RFX7: variants seen among roughly 807,000 people sequenced by gnomAD.
The protein encoded by RFX7 is DNA-binding protein RFX7.
RFX7 carries 26 observed loss-of-function variants against 111.8 expected under a neutral mutation model. The observed-to-expected ratio is 0.23, with a 90% confidence interval of 0.17 to 0.32. The LOEUF is 0.32. Among genes scored for constraint, RFX7 ranks in the 10% least tolerant of loss-of-function variants. RFX7 has a pLI of 1.00. For missense variants in RFX7, 1,573 were observed against 1,772.9 expected, an observed-to-expected ratio of 0.89 and a Z score of 2.02; for synonymous variants, 624 against 624.4, an observed-to-expected ratio of 1.00 and a Z score of 0.01.
rs781425168 is a variant in RFX7, at chr15:56,098,223, G to T, written c.965C>A (p.Ser322Tyr). ...TGCTGCAGATTCTCCTGGCAAAGGG[G>T]ATTGTAGTTTCTGTTCTTGCTGCTT... The part of the protein sequence containing the change: ...QKKQQEQKLQ[S>Y]PLPGESAAKK... Residue 322 changes from serine to tyrosine, a missense_variant, in exon 9 of 10, where the codon TCC (serine) becomes TAC (tyrosine). Coordinates refer to ENST00000559447, the MANE Select transcript of RFX7 (RefSeq NM_022841.7). 5 of 1,613,972 alleles carry T rather than the reference G, an allele frequency of 3.1e-6. No individual in the cohort carries two copies. Among genetic ancestry groups the T allele is most frequent in the Non-Finnish European group, 4.2e-6 (5 of 1,179,860 alleles).
chr15:56,133,166 C>A (rs1157414459), intron 5 of RFX7, among the ~76,000 whole-genome samples: 2 of 151,960 alleles, frequency 1.3e-5, no homozygotes, highest in African/African-American at 4.8e-5. Flanking sequence ...TAATAATTTT[C>A]CTGAAGACAT....
chr15:56,126,993 T>C (rs1345467915), intron 5 of RFX7, among the ~76,000 whole-genome samples: 1 of 152,132 alleles, frequency 6.6e-6, no homozygotes, highest in Non-Finnish European at 1.5e-5. Flanking sequence ...ATCAACACTA[T>C]AAACCAACTA....
chr15:56,119,206 T>TGATCCCATTTTTAACTGCATGTGAA (rs1224959859), intron 5 of RFX7, among the ~76,000 whole-genome samples: 1 of 152,204 alleles, frequency 6.6e-6, no homozygotes, highest in Non-Finnish European at 1.5e-5. Flanking sequence ...ATCCCATCTG[T>TGATCCCATTTTTAACTGCATGTGAA]CCACTTCTGC....
At chr15:56,206,314 G>A (rs1158611391) in intron 2 of RFX7, among the ~76,000 whole-genome samples, 1 of 152,150 alleles carries the variant, frequency 6.6e-6, no homozygotes, top group Non-Finnish European at 1.5e-5. Context: ...AAGACATTAT[G>A]CTAAGTAAAA....
chr15:56,143,747 C>T (rs1380203605), intron 4 of RFX7, among the ~76,000 whole-genome samples: 1 of 152,066 alleles, frequency 6.6e-6, no homozygotes, highest in Non-Finnish European at 1.5e-5. Flanking sequence ...AAAGATAAAA[C>T]TCAAATAATT....
intron 3 of RFX7, among the ~76,000 whole-genome samples, chr15:56,172,541 C>G (rs2042856602): frequency 6.6e-6 from 1 of 152,068 alleles, no homozygotes; most frequent in Non-Finnish European, 1.5e-5. Flanking sequence ...AGCATTCAGA[C>G]AGGCAGAAGG....
intron 2 of RFX7, among the ~76,000 whole-genome samples, chr15:56,238,919 C>T (rs2043655098): frequency 6.6e-6 from 1 of 152,110 alleles, no homozygotes; most frequent in Admixed American, 6.5e-5. Flanking sequence ...CTGCAACCTC[C>T]ACCTCCTGGG....
intron 4 of RFX7, among the ~76,000 whole-genome samples, chr15:56,143,374 CAT>C (rs1272152824): frequency 3.1e-4 from 36 of 115,666 alleles, no homozygotes; most frequent in Admixed American, 9.9e-4. Flanking sequence ...CACACACACA[CAT>C]ATATATGTAT....
intron 5 of RFX7, among the ~76,000 whole-genome samples, chr15:56,110,259 A>G (rs1363035120): frequency 2.1e-5 from 1 of 46,678 alleles, no homozygotes; most frequent in Non-Finnish European, 4.3e-5. Flanking sequence ...CCCGTCCGGG[A>G]GGGAGGTGGG....
At chr15:56,135,296 T>C (rs1273267917) in intron 5 of RFX7, among the ~76,000 whole-genome samples, 1 of 152,154 alleles carries the variant, frequency 6.6e-6, no homozygotes, top group African/African-American at 2.4e-5. Context: ...GACTTTTTAA[T>C]GATCGCCATT....
intron 5 of RFX7, among the ~76,000 whole-genome samples, chr15:56,141,637 A>G (rs182974642): frequency 2.2e-5 from 3 of 137,696 alleles, no homozygotes; most frequent in East Asian, 2.1e-4. Context: ...AATTTAATGA[A>G]GAATCTATGC....
intron 5 of RFX7, among the ~76,000 whole-genome samples, chr15:56,112,130 AAAAG>A (rs2041944481): frequency 6.6e-6 from 1 of 151,564 alleles, no homozygotes; most frequent in African/African-American, 2.4e-5. Flanking sequence ...AAAAAAAAAA[AAAAG>A]AATCACTAAC....
chr15:56,224,467 TTGTGTGTG>T (rs58795247), intron 2 of RFX7, among the ~76,000 whole-genome samples: 47 of 147,310 alleles, frequency 3.2e-4, no homozygotes, highest in Admixed American at 2.2e-3. Flanking sequence ...GATTAGGATT[TTGTGTGTG>T]TGTGTGTGTG....
At chr15:56,143,310 C>CAT (rs1444802609) in intron 4 of RFX7, among the ~76,000 whole-genome samples, 60 of 150,756 alleles carry the variant, frequency 4.0e-4, no homozygotes, top group Middle Eastern at 3.5e-3. Context: ...TATATACACA[C>CAT]ATATATATAT....
rs779779534 is a variant in RFX7 at position 56,243,227 on chromosome 15, G to C, written c.59C>G (p.Pro20Arg). The C allele has an allele frequency of 7.5e-7, 1 of 1,326,608 alleles. No homozygotes were observed. Among genetic ancestry groups the C allele is most frequent in the Non-Finnish European group, 1.0e-6 (1 of 1,002,020 alleles). 82.2% of individuals were successfully genotyped at this position (1,326,608 alleles called of 1,614,324 possible). Residue 20 changes from proline to arginine, a missense_variant, in exon 2 of 10, where the codon CCC becomes CGC. Physicochemically the swap from Pro to Arg is moderately radical, Grantham distance 103. This residue lies in a region of RFX7 where 191 missense variants were observed against 194.2 expected (regional missense o/e 0.98). Transcript: ENST00000559447. ...PQQPDAHQQL[P>R]PSAPNSGVAL... ...CACCCCCGAGTTGGGGGCGCTGGGG[G>C]GAAGCTGCTGATGGGCATCAGGCTG...
chr15:56,176,774 C>T (rs2042907594), intron 3 of RFX7, among the ~76,000 whole-genome samples: 2 of 152,006 alleles, frequency 1.3e-5, no homozygotes, highest in Admixed American at 1.3e-4. Flanking sequence ...AGTTTTATAT[C>T]CAAAAATGCC....
intron 3 of RFX7, among the ~76,000 whole-genome samples, chr15:56,148,672 C>G (rs1314652309): frequency 3.9e-5 from 6 of 152,146 alleles, no homozygotes; most frequent in African/African-American, 1.4e-4. Flanking sequence ...GGGACAGAGA[C>G]AGTATTCCAT....
chr15:56,110,302 C>G (rs1226501475), intron 5 of RFX7, among the ~76,000 whole-genome samples: 1 of 69,888 alleles, frequency 1.4e-5, no homozygotes, highest in African/African-American at 4.8e-5. Flanking sequence ...CCAGCCGCCC[C>G]GTCCGGGAGG....
chr15:56,134,092 A>G (rs1308552545), intron 5 of RFX7, among the ~76,000 whole-genome samples: 1 of 152,220 alleles, frequency 6.6e-6, no homozygotes, highest in African/African-American at 2.4e-5. Flanking sequence ...TCAGTTTGAT[A>G]TTACTCAACT....
Sources: allele counts gnomAD v4.1 joint callset (sites outside exome capture counted in the v4.1 genomes callset), GRCh38; gene constraint gnomAD v4.1.1; regional missense constraint gnomAD v4.1.1; transcripts MANE v1.5; gene names NCBI Gene and HGNC (gene_info 2026-07-23, HGNC 2026-07-21).